The following ARHGAP20 variants were observed in gnomAD, a reference collection of about 807,000 sequenced individuals.
The protein encoded by ARHGAP20 is rho GTPase-activating protein 20.
Under a neutral mutation model 73.7 loss-of-function variants are expected in ARHGAP20, and 34 were observed. The observed-to-expected ratio is 0.46, with a 90% confidence interval of 0.35 to 0.61. The LOEUF (loss-of-function observed/expected upper bound fraction) is 0.61, where lower values mean the gene tolerates loss of function less well. Ranked by LOEUF, ARHGAP20 falls within the 20% of genes least tolerant of loss-of-function variation. The pLI, the probability that ARHGAP20 is intolerant of heterozygous loss-of-function variation, is 0.00. For synonymous variants in ARHGAP20, 523 were observed against 518.2 expected, an observed-to-expected ratio of 1.01 and a Z score of -0.13; for missense variants, 1,314 against 1,420.9, an observed-to-expected ratio of 0.92 and a Z score of 1.21.
chr11:110,712,107 C>G lies in ARHGAP20; in HGVS notation c.105+20G>C. 1 of 1,302,482 alleles carries G rather than the reference C, an allele frequency of 7.7e-7. No homozygotes were observed. The highest frequency in any genetic ancestry group is 2.8e-5 in the South Asian group (1 of 35,240). The allele number at this position is 1,302,482 out of a possible 1,614,324, so 80.7% of individuals were successfully genotyped here. On this transcript the variant is annotated intron_variant, in intron 1 of 14. Transcript: ENST00000683387. ...GGGCTGCGGCGGCGGAGGGCACGGG[C>G]CCCCGCTCAGCGTCCTCACCTTCTT...
intron 2 of ARHGAP20, among the ~76,000 whole-genome samples, chr11:110,649,635 G>A (rs112764821): frequency 2.5e-4 from 38 of 152,068 alleles, no homozygotes; most frequent in African/African-American, 8.7e-4. Context: ...AGGAATCAGT[G>A]TTTCATTTGA....
At chr11:110,694,021 C>A (rs45478897) in intron 1 of ARHGAP20, among the ~76,000 whole-genome samples, 1 of 151,692 alleles carries the variant, frequency 6.6e-6, no homozygotes, top group East Asian at 1.9e-4. Context: ...TTTAAAGAAA[C>A]GATAAACTAT....
chr11:110,578,350 A>C lies in ARHGAP20; in HGVS notation c.*1020T>G, dbSNP rs769183841. On this transcript the variant is annotated 3_prime_UTR_variant, in exon 15 of 15. Transcript: ENST00000683387. ...TCAATATTGCTCTCTCAATTGCCAA[A>C]CTACAAAAATCAGAAAAGGGATGAT... is the stretch of plus-strand genomic sequence containing the variant. The C allele has an allele frequency of 3.7e-5, 36 of 985,454 alleles. No homozygotes were observed. Among genetic ancestry groups the C allele is most frequent in the Admixed American group, 6.1e-5 (1 of 16,284 alleles). 61.0% of individuals were successfully genotyped at this position (985,454 alleles called of 1,614,324 possible).
intron 2 of ARHGAP20, among the ~76,000 whole-genome samples, chr11:110,635,293 T>C (rs1445446070): frequency 6.6e-6 from 1 of 152,104 alleles, no homozygotes; most frequent in Admixed American, 6.6e-5. Context: ...GTTTTAAAAA[T>C]GCAAATTCTC....
At chr11:110,671,770 TATA>T (rs996875209) in intron 2 of ARHGAP20, among the ~76,000 whole-genome samples, 14 of 152,074 alleles carry the variant, frequency 9.2e-5, no homozygotes, top group African/African-American at 3.4e-4. Flanking sequence ...ATCAAGATAT[TATA>T]ATATCAGTAA....
At chr11:110,692,269 G>C (rs1950257699) in intron 1 of ARHGAP20, among the ~76,000 whole-genome samples, 1 of 152,102 alleles carries the variant, frequency 6.6e-6, no homozygotes, top group Non-Finnish European at 1.5e-5. Flanking sequence ...CTCATGTGAA[G>C]AGTCTCAATA....
intron 1 of ARHGAP20, among the ~76,000 whole-genome samples, chr11:110,700,869 T>A (rs1218804351): frequency 1.3e-5 from 2 of 151,716 alleles, no homozygotes; most frequent in Non-Finnish European, 2.9e-5. Flanking sequence ...AACAGTTTAC[T>A]GAGAATGATG....
chr11:110,628,530 A>AATC (rs974069852), intron 3 of ARHGAP20, among the ~76,000 whole-genome samples: 5 of 151,704 alleles, frequency 3.3e-5, no homozygotes, highest in East Asian at 3.9e-4. Flanking sequence ...TAATAATAAT[A>AATC]ATCATCATCA....
chr11:110,578,212 A>G lies in ARHGAP20; in HGVS notation c.*1158T>C. On this transcript the variant is annotated 3_prime_UTR_variant, in exon 15 of 15. Transcript: ENST00000683387. Reference sequence around the variant, plus strand: ...GTATAAGCCATGAAACATTTGGGGCAAAAATATGGAACAACGTCTGGAAGC... The same window carrying G: ...GTATAAGCCATGAAACATTTGGGGCGAAAATATGGAACAACGTCTGGAAGC... 1 of 985,488 alleles carries G rather than the reference A, an allele frequency of 1.0e-6. No individual in the cohort carries two copies. Among genetic ancestry groups the G allele is most frequent in the Non-Finnish European group, 1.2e-6 (1 of 829,944 alleles). 61.0% of individuals were successfully genotyped at this position (985,488 alleles called of 1,614,324 possible).
At chr11:110,603,668 T>C (rs1591309168) in intron 9 of ARHGAP20, among the ~76,000 whole-genome samples, 1 of 152,270 alleles carries the variant, frequency 6.6e-6, no homozygotes, top group Non-Finnish European at 1.5e-5. Context: ...CATTTCACTA[T>C]GCAACTGAAG....
intron 4 of ARHGAP20, among the ~76,000 whole-genome samples, chr11:110,619,750 AGTATATGTAGTGATAGT>A (rs1400229139): frequency 4.6e-5 from 7 of 151,344 alleles, no homozygotes; most frequent in Non-Finnish European, 7.4e-5. Context: ...GTAGTGATAG[AGTATATGTAGTGATAGT>A]GTATATGTAG....
chr11:110,630,115 C>A (rs147293215), intron 3 of ARHGAP20, among the ~76,000 whole-genome samples: 1 of 152,154 alleles, frequency 6.6e-6, no homozygotes, highest in Admixed American at 6.5e-5. Context: ...CCTCCAAGTG[C>A]TAAGCTTTCC....
chr11:110,594,842 A>G (rs1947914752), intron 9 of ARHGAP20, among the ~76,000 whole-genome samples: 1 of 152,184 alleles, frequency 6.6e-6, no homozygotes, highest in Non-Finnish European at 1.5e-5. Flanking sequence ...ACAAAAAAAA[A>G]AAGAGCATTT....
chr11:110,613,374 TGA>T (rs1259817165), intron 6 of ARHGAP20, among the ~76,000 whole-genome samples: 1 of 152,218 alleles, frequency 6.6e-6, no homozygotes, highest in Non-Finnish European at 1.5e-5. Context: ...GCTCCCTGAA[TGA>T]GAGTCTTGTT....
At chr11:110,706,625 C>T (rs1950556738) in intron 1 of ARHGAP20, among the ~76,000 whole-genome samples, 1 of 152,150 alleles carries the variant, frequency 6.6e-6, no homozygotes, top group Non-Finnish European at 1.5e-5. Context: ...ATACTAATAA[C>T]TCCTGCACTT....
chr11:110,591,498 G>A (rs1947827883), intron 10 of ARHGAP20, among the ~76,000 whole-genome samples: 1 of 152,152 alleles, frequency 6.6e-6, no homozygotes, highest in South Asian at 2.1e-4. Flanking sequence ...AATATCAACT[G>A]GAGATAATAT....
chr11:110,579,629 G>T lies in ARHGAP20; in HGVS notation c.3317C>A (p.Ser1106Ter). ...GGGAGAAGAACTACACCTTTGGGCTGACTGCACAGGGGACAGTCCTTCAGC... is the reference window on the plus strand; with the variant it reads ...GGGAGAAGAACTACACCTTTGGGCTTACTGCACAGGGGACAGTCCTTCAGC... The part of the protein sequence containing the change: ...RAAEGLSPVQ[S>*]AQRCSSSPFQ... The change falls in exon 15 of 15, where the codon TCA (serine) becomes TAA (stop). Residue 1106 changes from serine to a stop codon, truncating the protein, a stop_gained. Transcript: ENST00000683387. LOFTEE classifies it low-confidence loss of function (END_TRUNC). 1 of 1,614,206 alleles carries T rather than the reference G, an allele frequency of 6.2e-7. No homozygotes were observed. Among genetic ancestry groups the T allele is most frequent in the South Asian group, 1.1e-5 (1 of 91,062 alleles).
At chr11:110,642,642 G>A (rs544122701) in intron 2 of ARHGAP20, among the ~76,000 whole-genome samples, 6 of 152,080 alleles carry the variant, frequency 3.9e-5, no homozygotes, top group African/African-American at 1.2e-4. Flanking sequence ...AGTCTACTTG[G>A]TTGTGGTGAA....
intron 2 of ARHGAP20, among the ~76,000 whole-genome samples, chr11:110,648,220 T>C (rs1405538295): frequency 2.0e-5 from 1 of 49,644 alleles, no homozygotes; most frequent in African/African-American, 1.2e-4. Flanking sequence ...AATATATATA[T>C]GTATATATAT....
Sources: gnomAD v4.1 joint callset for allele counts (sites outside exome capture counted in the v4.1 genomes callset) on GRCh38, gnomAD v4.1.1 for gene constraint, MANE v1.5 for transcripts, NCBI Gene and HGNC (gene_info 2026-07-23, HGNC 2026-07-21) for gene names.